The following ZFYVE28 variants were observed in gnomAD, a reference collection of about 807,000 sequenced individuals.
The protein encoded by ZFYVE28 is zinc finger FYVE-type containing 28.
In ZFYVE28, 40 loss-of-function variants were observed where a neutral mutation model predicts 82.1. The ratio of observed to expected loss-of-function variants is 0.49; its 90% CI spans 0.38 to 0.63. The LOEUF is 0.63. Ranked by LOEUF, ZFYVE28 falls within the 30% of genes least tolerant of loss-of-function variation. ZFYVE28 has a pLI of 0.00. For missense variants in ZFYVE28, 1,321 were observed against 1,242.1 expected (o/e 1.06, Z -0.96); for synonymous variants, 612 against 546.1 (o/e 1.12, Z -1.68).
intron 1 of ZFYVE28, among the ~76,000 whole-genome samples, chr4:2,371,710 T>C (rs2239717): frequency 0.61 from 92,142 of 150,790 alleles, 28,957 homozygotes; most frequent in East Asian, 0.73. Flanking sequence ...CCTTCAACAA[T>C]AGCAGGCAAA....
chr4:2,333,963 G>A (rs528799592), intron 6 of ZFYVE28, among the ~76,000 whole-genome samples: 53 of 152,140 alleles, frequency 3.5e-4, no homozygotes, highest in Non-Finnish European at 6.8e-4. Flanking sequence ...GTGCTCTGGG[G>A]TGGCCTCTCC....
intron 8 of ZFYVE28, among the ~76,000 whole-genome samples, chr4:2,303,903 C>T (rs1047856318): frequency 1.2e-4 from 18 of 152,354 alleles, no homozygotes; most frequent in East Asian, 9.6e-4. Flanking sequence ...GCAAGGGGCC[C>T]GGCGCTGGCA....
chr4:2,271,111 C>A, intron 12 of ZFYVE28, 200 bp downstream of exon 12: 1 of 736,774 alleles, frequency 1.4e-6, no homozygotes, highest in East Asian at 2.7e-5. Flanking sequence ...GCAGCCGGGA[C>A]TGGACATGGG....
Position 2,331,673 on chromosome 4 carries a change from G to A in ZFYVE28, c.701+4032C>T, listed in dbSNP as rs1264847170. Among the ~76,000 whole-genome samples the A allele has an allele frequency of 1.3e-5, 2 of 152,180 alleles. 1 individual carries two copies. Among genetic ancestry groups the A allele is most frequent in the South Asian group, 4.1e-4 (2 of 4,828 alleles). ...TCTTAGGGAGGGGACAGGCTGAGGG[G>A]TGCAGGGCAAGTGGGGCCCCTCCCC... On this transcript the variant is annotated intron_variant, in intron 6 of 12. Transcript: ENST00000290974.
At chr4:2,338,198 T>G (rs543553291) in intron 4 of ZFYVE28, among the ~76,000 whole-genome samples, 23 of 152,380 alleles carry the variant, frequency 1.5e-4, no homozygotes, top group Non-Finnish European at 3.1e-4. Context: ...CAGCCCAGGC[T>G]GGGCACAGCG....
intron 6 of ZFYVE28, among the ~76,000 whole-genome samples, chr4:2,322,621 G>T (rs564914945): frequency 6.6e-6 from 1 of 152,196 alleles, no homozygotes; most frequent in Admixed American, 6.5e-5. Flanking sequence ...TTCATATAAC[G>T]AACAACTGTT....
chr4:2,356,446 ATG>A, intron 1 of ZFYVE28, among the ~76,000 whole-genome samples: 1 of 29,402 alleles, frequency 3.4e-5, no homozygotes. Context: ...CCGGCCGTTG[ATG>A]TGCCTGCCCC....
intron 8 of ZFYVE28, among the ~76,000 whole-genome samples, chr4:2,301,103 G>A (rs1715446236): frequency 6.6e-6 from 1 of 151,832 alleles, no homozygotes; most frequent in Non-Finnish European, 1.5e-5. Context: ...CTGGTCTCCT[G>A]TGTCTGTCTG....
intron 8 of ZFYVE28, among the ~76,000 whole-genome samples, chr4:2,280,760 G>C (rs1422882017): frequency 6.6e-6 from 1 of 152,204 alleles, no homozygotes; most frequent in Non-Finnish European, 1.5e-5. Context: ...CCCTGCCTGT[G>C]GCGAGGAACT....
At chr4:2,333,120 G>A (rs1720980537) in intron 6 of ZFYVE28, among the ~76,000 whole-genome samples, 2 of 151,732 alleles carry the variant, frequency 1.3e-5, no homozygotes, top group South Asian at 2.1e-4. Flanking sequence ...GAGGGGACCC[G>A]CGGGACAAAG....
rs372672482 is a variant in ZFYVE28, at chr4:2,275,135, C to T, written c.2052-919G>A. 2.0e-5 allele frequency among the ~76,000 whole-genome samples: 3 copies of T among 152,274 alleles called. No individual in the cohort carries two copies. In the East Asian group the frequency reaches 5.8e-4, roughly 29 times the overall value. ...CTCCCTGGGCATCGGTTCTGACTTC[C>T]AGACCTCAGGCTCTGTCCGTGGATG... On this transcript the variant is annotated intron_variant, in intron 8 of 12. Transcript: ENST00000290974.
chr4:2,341,341 G>T lies in ZFYVE28; in HGVS notation c.318+137C>A. On this transcript the variant is annotated intron_variant, in intron 3 of 12. Transcript: ENST00000290974. The surrounding 1 kb of genome is among the most constrained non-coding windows in gnomAD (Gnocchi z 4.5). ...GCCTACCAGGCTCAGACCACACCAC[G>T]TAACCCAGAGTGGACGGAGCTCTTG... 7 of 1,255,600 alleles carry T rather than the reference G, an allele frequency of 5.6e-6. No individual in the cohort carries two copies. The highest frequency in any genetic ancestry group is 7.8e-6 in the Non-Finnish European group (7 of 899,930). The allele number at this position is 1,255,600 out of a possible 1,614,324, so 77.8% of individuals were successfully genotyped here. A position where few individuals can be genotyped will look rare whatever the true frequency, so the allele number is the denominator to read the frequency against.
intron 8 of ZFYVE28, among the ~76,000 whole-genome samples, chr4:2,290,350 T>C (rs1339984042): frequency 6.6e-6 from 1 of 152,154 alleles, no homozygotes; most frequent in Non-Finnish European, 1.5e-5. Context: ...CCTCCCAAAG[T>C]GTGATCCTTC....
intron 2 of ZFYVE28, among the ~76,000 whole-genome samples, chr4:2,349,024 C>T (rs978205383): frequency 8.5e-5 from 13 of 152,160 alleles, no homozygotes; most frequent in African/African-American, 2.4e-4. Flanking sequence ...TTCTGACAGA[C>T]GAGTCACCCA....
chr4:2,340,713 G>A (rs1311180149), intron 3 of ZFYVE28, among the ~76,000 whole-genome samples: 1 of 152,158 alleles, frequency 6.6e-6, no homozygotes, highest in Admixed American at 6.5e-5. Flanking sequence ...TGAGGCTGGG[G>A]AGGAGGGAGA....
intron 3 of ZFYVE28, among the ~76,000 whole-genome samples, chr4:2,340,823 G>A (rs1238412386): frequency 1.3e-5 from 2 of 152,142 alleles, no homozygotes; most frequent in Non-Finnish European, 2.9e-5. Context: ...ACAGGGACGG[G>A]GCAGCGTGGG....
At chr4:2,388,639 G>C (rs764930504) in intron 1 of ZFYVE28, among the ~76,000 whole-genome samples, 2 of 152,208 alleles carry the variant, frequency 1.3e-5, no homozygotes, top group African/African-American at 2.4e-5. Flanking sequence ...AACATAAGGA[G>C]CTTAGGAGAA....
At chr4:2,279,503 GGT>G (rs1491429332) in intron 8 of ZFYVE28, among the ~76,000 whole-genome samples, 101 of 152,126 alleles carry the variant, frequency 6.6e-4, no homozygotes, top group East Asian at 4.3e-3. Flanking sequence ...AAACTGGCCG[GGT>G]GCAGTGGCTC....
chr4:2,287,591 C>T (rs571862661), intron 8 of ZFYVE28: 5 of 152,352 alleles, frequency 3.3e-5, no homozygotes, highest in South Asian at 2.1e-4. Context: ...CGGTGACTGA[C>T]GTGGAGGTGG....
Sources: allele counts gnomAD v4.1 joint callset (sites outside exome capture counted in the v4.1 genomes callset), GRCh38; gene constraint gnomAD v4.1.1; non-coding constraint Gnocchi (gnomAD v3.1); transcripts MANE v1.5; gene names NCBI Gene and HGNC (gene_info 2026-07-23, HGNC 2026-07-21).